Variants in PSD4 observed in about 807,000 individuals in gnomAD.
PSD4 encodes the protein PH and SEC7 domain-containing protein 4.
Under a neutral mutation model 112.5 loss-of-function variants are expected in PSD4, and 59 were observed. The ratio of observed to expected loss-of-function variants is 0.52; its 90% CI spans 0.43 to 0.65. The LOEUF is 0.65. Ranked by LOEUF, PSD4 falls within the 30% of genes least tolerant of loss-of-function variation. The probability of loss-of-function intolerance (pLI) is 0.00; values close to 1 mark genes in which losing one functional copy is unlikely to be tolerated. For synonymous variants in PSD4, 533 were observed against 540.0 expected, an observed-to-expected ratio of 0.99 and a Z score of 0.18; for missense variants, 1,267 against 1,352.6, an observed-to-expected ratio of 0.94 and a Z score of 0.99.
chr2:113,207,062 C>A lies in PSD4; in HGVS notation c.*5647C>A, dbSNP rs1688872514. 1 of 152,128 alleles carries A rather than the reference C, an allele frequency of 6.6e-6. No individual in the cohort carries two copies. The highest frequency in any genetic ancestry group is 1.5e-5 in the Non-Finnish European group (1 of 68,034). 9.4% of individuals were successfully genotyped at this position (152,128 alleles called of 1,614,324 possible). A position where few individuals can be genotyped will look rare whatever the true frequency, so the allele number is the denominator to read the frequency against. ...AACCCTCATGCTTCCAAGATGGCCC[C>A]AGGAACTCTCAAGATCCATTTTCTT... On this transcript the variant is annotated 3_prime_UTR_variant, in exon 17 of 17. Transcript: ENST00000245796.
intron 12 of PSD4, 200 bp downstream of exon 12, chr2:113,196,507 C>A: frequency 3.3e-6 from 2 of 614,042 alleles, no homozygotes; most frequent in African/African-American, 1.8e-5. Flanking sequence ...GGTAGGAGAA[C>A]CCAGACAAAA....
chr2:113,195,792 C>G (rs781201436), intron 11 of PSD4, 22 bp downstream of exon 11: 4 of 1,613,988 alleles, frequency 2.5e-6, no homozygotes, highest in South Asian at 1.1e-5. Flanking sequence ...TCCCTTTCCC[C>G]TCTCCCTCTC....
chr2:113,183,471 G>T lies in PSD4; in HGVS notation c.1015G>T (p.Glu339Ter). 6.3e-7 allele frequency: 1 copy of T among 1,590,986 alleles called. No individual in the cohort carries two copies. Among genetic ancestry groups the T allele is most frequent in the Non-Finnish European group, 8.5e-7 (1 of 1,169,888 alleles). ...CTGCTGGGCCTCAGTGGCTGCCGCT[G>T]AGGGGGCTCCTGCAGCACCTCCTGG... ...SICWASVAAA[E>*]GAPAAPPGHG... The change falls in exon 2 of 17, where the codon GAG becomes TAG. Residue 339 changes from glutamate to a stop codon, truncating the protein, a stop_gained. Transcript: ENST00000245796. LOFTEE classifies it high-confidence loss of function.
Position 113,197,783 on chromosome 2 carries a change from G to A in PSD4, c.2494G>A (p.Val832Met), listed in dbSNP as rs770816575. ...EDHCLEGESLVGQMVDEPVGV... is the reference protein window; with the variant it reads ...EDHCLEGESLMGQMVDEPVGV... ...CCACTGTCTGGAGGGGGAGAGCTTG[G>A]TGGGGCAGATGGTGGATGAGCCCGT... Residue 832 changes from valine (V) to methionine (M), a missense_variant, in exon 14 of 17, where the codon GTG (valine) becomes ATG (methionine). This residue lies in a region of PSD4 where 544 missense variants were observed against 648.6 expected (regional missense o/e 0.84). Coordinates refer to ENST00000245796, the MANE Select transcript of PSD4 (RefSeq NM_012455.3). The A allele has an allele frequency of 1.9e-5, 31 of 1,611,190 alleles. No homozygotes were observed. The South Asian group carries it at 3.2e-4, about 17-fold the overall frequency.
chr2:113,196,476 T>C, intron 12 of PSD4, 169 bp downstream of exon 12: 11 of 858,072 alleles, frequency 1.3e-5, no homozygotes, highest in Non-Finnish European at 1.9e-5. Flanking sequence ...TGCTGGATGC[T>C]GTGTGAGGCA....
At chr2:113,176,031 A>T (rs1573344609) in intron 1 of PSD4, among the ~76,000 whole-genome samples, 1 of 152,172 alleles carries the variant, frequency 6.6e-6, no homozygotes, top group South Asian at 2.1e-4. Context: ...TTAGGATGGG[A>T]TTCTGCTCTG....
intron 1 of PSD4, 26 bp from the exon 2 acceptor site, chr2:113,182,320 C>A (rs1688158778): frequency 2.4e-6 from 2 of 836,696 alleles, no homozygotes; most frequent in Non-Finnish European, 3.7e-6. Context: ...CCTTCCCTAA[C>A]CTGCACTTGC....
chr2:113,196,526 G>A (rs1688619985), intron 12 of PSD4: 2 of 516,818 alleles, frequency 3.9e-6, no homozygotes, highest in Admixed American at 3.3e-5. Flanking sequence ...AACAGGCCTA[G>A]TTATTCCTGG....
chr2:113,199,804 T>A (rs1003050105), intron 16 of PSD4, among the ~76,000 whole-genome samples: 4 of 152,194 alleles, frequency 2.6e-5, no homozygotes, highest in Non-Finnish European at 4.4e-5. Flanking sequence ...TGGTCTTAAC[T>A]AAGAAATGAC....
At chr2:113,198,719 C>T in intron 14 of PSD4, 21 bp from the exon 15 acceptor site, 1 of 1,520,442 alleles carries the variant, frequency 6.6e-7, no homozygotes, top group Non-Finnish European at 8.8e-7. Flanking sequence ...CCCCGGGGAC[C>T]AACGACCTCC....
chr2:113,181,783 G>A (rs540223802), intron 1 of PSD4, among the ~76,000 whole-genome samples: 1 of 152,316 alleles, frequency 6.6e-6, no homozygotes, highest in Admixed American at 6.5e-5. Flanking sequence ...CAGGCTGTGA[G>A]CCAGCCTGGT....
chr2:113,196,039 G>GT (rs2104506919), intron 11 of PSD4, 108 bp from the exon 12 acceptor site: 1 of 1,386,740 alleles, frequency 7.2e-7, no homozygotes, highest in East Asian at 2.3e-5. Context: ...GGGTCCTGGG[G>GT]TGTGGCTTCC....
At chr2:113,198,542 G>A in intron 14 of PSD4, 198 bp from the exon 15 acceptor site, 1 of 539,014 alleles carries the variant, frequency 1.9e-6, no homozygotes, top group Non-Finnish European at 3.0e-6. Flanking sequence ...CACCGCACCG[G>A]GCCTCCAAAT....
At chr2:113,187,483 C>T (rs1688332021) in intron 5 of PSD4, among the ~76,000 whole-genome samples, 1 of 152,120 alleles carries the variant, frequency 6.6e-6, no homozygotes. Flanking sequence ...AGGTGGTCCT[C>T]AGCCTCTCCC....
chr2:113,199,891 T>C lies in PSD4; in HGVS notation c.2913+665T>C, dbSNP rs186974462. 4.4e-3 allele frequency among the ~76,000 whole-genome samples: 670 copies of C among 152,330 alleles called. 4 individuals are homozygous for C. The highest frequency in any genetic ancestry group is 0.015 in the African/African-American group (629 of 41,572). On this transcript the variant is annotated intron_variant, in intron 16 of 16. Transcript: ENST00000245796. ...CCCAGGCTGGAGTGCAGTGGCTCGATCTCAGCTCCCTGCAACCTCCGCCTC... is the reference window on the plus strand; with the variant it reads ...CCCAGGCTGGAGTGCAGTGGCTCGACCTCAGCTCCCTGCAACCTCCGCCTC...
At chr2:113,193,702 C>T (rs776861195) in intron 9 of PSD4, 52 bp downstream of exon 9, 21 of 1,584,416 alleles carry the variant, frequency 1.3e-5, no homozygotes, top group East Asian at 4.5e-5. Flanking sequence ...ACAAGGGGTG[C>T]GGGGAGGAGA....
intron 5 of PSD4, among the ~76,000 whole-genome samples, chr2:113,188,807 A>G (rs1688373137): frequency 6.6e-6 from 1 of 152,162 alleles, no homozygotes; most frequent in African/African-American, 2.4e-5. Flanking sequence ...TGACCTCGTG[A>G]TCTGCCCGCC....
At position 113,199,188 on chromosome 2, in the gene PSD4, G is replaced by C; in HGVS notation, c.2875G>C (p.Glu959Gln). The C allele has an allele frequency of 6.6e-7, 1 of 1,521,470 alleles. No individual in the cohort carries two copies. Among genetic ancestry groups the C allele is most frequent in the Non-Finnish European group, 8.8e-7 (1 of 1,137,666 alleles). 94.2% of individuals were successfully genotyped at this position (1,521,470 alleles called of 1,614,324 possible). A position where few individuals can be genotyped will look rare whatever the true frequency, so the allele number is the denominator to read the frequency against. The change falls in exon 16 of 17, where the codon GAG becomes CAG. Residue 959 changes from glutamate to glutamine, a missense_variant. Around this residue, in one of 2 missense-constraint regions of PSD4, gnomAD observed 544 missense variants for 648.6 expected, o/e 0.84. Transcript: ENST00000245796. ...PERRGRGREL[E>Q]EHRLRKEYLE... ...GCGGCGGGGCCGTGGCCGCGAGCTGGAGGAGCACCGCCTGCGGAAGGAGTA... is the reference window on the plus strand; with the variant it reads ...GCGGCGGGGCCGTGGCCGCGAGCTGCAGGAGCACCGCCTGCGGAAGGAGTA...
chr2:113,207,039 C>T lies in PSD4; in HGVS notation c.*5624C>T, dbSNP rs1204722446. 6.6e-6 allele frequency: 1 copy of T among 152,132 alleles called. No individual in the cohort carries two copies. The highest frequency in any genetic ancestry group is 1.5e-5 in the Non-Finnish European group (1 of 68,040). 9.4% of individuals were successfully genotyped at this position (152,132 alleles called of 1,614,324 possible). A position where few individuals can be genotyped will look rare whatever the true frequency, so the allele number is the denominator to read the frequency against. On this transcript the variant is annotated 3_prime_UTR_variant, in exon 17 of 17. Coordinates refer to ENST00000245796, the MANE Select transcript of PSD4 (RefSeq NM_012455.3). ...CTCCCAGGCCTATGAGCAGGAACAA[C>T]CCTCATGCTTCCAAGATGGCCCCAG...
Sources: gnomAD v4.1 joint callset for allele counts (sites outside exome capture counted in the v4.1 genomes callset) on GRCh38, gnomAD v4.1.1 for gene constraint, gnomAD v4.1.1 regional missense constraint, MANE v1.5 for transcripts, NCBI Gene and HGNC (gene_info 2026-07-23, HGNC 2026-07-21) for gene names.